The following MSL1 variants were observed in gnomAD, a reference collection of about 807,000 sequenced individuals.
MSL1 encodes the protein MSL complex subunit 1, also known as male-specific lethal 1 homolog.
In MSL1, 21 loss-of-function variants were observed where a neutral mutation model predicts 64.6. That is an observed-to-expected ratio of 0.33 (90% CI 0.23 to 0.47). The LOEUF is 0.47. Ranked by LOEUF, MSL1 falls within the 20% of genes least tolerant of loss-of-function variation. The pLI, the probability that MSL1 is intolerant of heterozygous loss-of-function variation, is 1.00. For synonymous variants in MSL1, 339 were observed against 329.6 expected (o/e 1.03, Z -0.31); for missense variants, 664 against 793.2 (o/e 0.84, Z 1.96).
At position 40,135,571 on chromosome 17, in the gene MSL1, T is replaced by C. The variant is rs1470588413; in HGVS notation, c.*1202T>C. The C allele has an allele frequency of 6.6e-6, 1 of 152,346 alleles. No individual in the cohort carries two copies. Among genetic ancestry groups the C allele is most frequent in the Non-Finnish European group, 1.5e-5 (1 of 68,044 alleles). 9.4% of individuals were successfully genotyped at this position (152,346 alleles called of 1,614,324 possible). A position where few individuals can be genotyped will look rare whatever the true frequency, so the allele number is the denominator to read the frequency against. ...CTAATCTCCTAGAAGGTAGGGGCTT[T>C]TATCCTTAAAGAGAATATGTCCCCA... On this transcript the variant is annotated 3_prime_UTR_variant, in exon 9 of 9. Transcript: ENST00000398532.
At chr17:40,133,754 T>C (rs1988487284) in intron 7 of MSL1, 73 bp from the exon 8 acceptor site, 1 of 1,610,952 alleles carries the variant, frequency 6.2e-7, no homozygotes, top group South Asian at 1.1e-5. Flanking sequence ...GAAGTGTATT[T>C]TGGAGCAGAT....
At chr17:40,123,434 C>T (rs1988239076) in intron 1 of MSL1, 54 bp downstream of exon 1, 4 of 1,511,692 alleles carry the variant, frequency 2.6e-6, no homozygotes, top group Middle Eastern at 1.7e-4. Context: ...TGCGCATGCT[C>T]GGGGGAAGGG....
At chr17:40,128,409 C>T (rs1988369725) in intron 2 of MSL1, among the ~76,000 whole-genome samples, 2 of 135,112 alleles carry the variant, frequency 1.5e-5, no homozygotes, top group Non-Finnish European at 3.1e-5. Flanking sequence ...GAGTCTCACT[C>T]TGTCGCCCAG....
At chr17:40,130,339 G>C (rs1988414725) in intron 3 of MSL1, 2 of 152,010 alleles carry the variant, frequency 1.3e-5, no homozygotes, top group African/African-American at 4.8e-5. Context: ...TGAGCTGCTT[G>C]GGGAGGGTGT....
Position 40,134,631 on chromosome 17 carries a change from A to G in MSL1, c.*262A>G. 1 of 454,610 alleles carries G rather than the reference A, an allele frequency of 2.2e-6. No homozygotes were observed. Among genetic ancestry groups the G allele is most frequent in the South Asian group, 2.5e-5 (1 of 39,946 alleles). 28.2% of individuals were successfully genotyped at this position (454,610 alleles called of 1,614,324 possible). ...TCAAGCTAAAGCTATAGGATGGCAG[A>G]TTCAGAAGTTTCAGGGGTCTGTTTC... On this transcript the variant is annotated 3_prime_UTR_variant, in exon 9 of 9. Coordinates refer to ENST00000398532, the MANE Select transcript of MSL1 (RefSeq NM_001365919.1).
chr17:40,134,642 T>G lies in MSL1; in HGVS notation c.*273T>G, dbSNP rs1388004065. 2.3e-6 allele frequency: 1 copy of G among 440,042 alleles called. No individual in the cohort carries two copies. The highest frequency in any genetic ancestry group is 4.2e-6 in the Non-Finnish European group (1 of 239,918). The allele number at this position is 440,042 out of a possible 1,614,324, so 27.3% of individuals were successfully genotyped here. On this transcript the variant is annotated 3_prime_UTR_variant, in exon 9 of 9. Coordinates refer to ENST00000398532, the MANE Select transcript of MSL1 (RefSeq NM_001365919.1). Reference sequence around the variant, plus strand: ...CTATAGGATGGCAGATTCAGAAGTTTCAGGGGTCTGTTTCTATACATTTGC... The same window carrying G: ...CTATAGGATGGCAGATTCAGAAGTTGCAGGGGTCTGTTTCTATACATTTGC...
rs527464731 is a variant in MSL1 at position 40,122,919 on chromosome 17, C to T, written c.307C>T (p.Pro103Ser). ...GAGCTGGGGCGGTTCGGTGCCCTTG[C>T]CCTGTCCGCCCCCGGCCACCAAGCA... Reference protein sequence around the residue: ...EESWGGSVPLPCPPPATKQAG... With the variant: ...EESWGGSVPLSCPPPATKQAG... Residue 103 changes from proline (P) to serine (S), a missense_variant, in exon 1 of 9, where the codon CCC becomes TCC. Pro to Ser is a moderately conservative substitution (Grantham distance 74). Around this residue, in one of 4 missense-constraint regions of MSL1, gnomAD observed 466 missense variants for 499.0 expected, o/e 0.93. Transcript: ENST00000398532. This position sits in a 1 kb window ranked among gnomAD's most constrained non-coding sequence, Gnocchi z 4.2. 5.9e-6 allele frequency: 9 copies of T among 1,513,078 alleles called. No individual in the cohort carries two copies. In the African/African-American group the frequency reaches 7.1e-5, roughly 12 times the overall value. 93.7% of individuals were successfully genotyped at this position (1,513,078 alleles called of 1,614,324 possible).
chr17:40,128,602 G>A (rs1303189395), intron 2 of MSL1, among the ~76,000 whole-genome samples: 4 of 150,896 alleles, frequency 2.7e-5, no homozygotes, highest in South Asian at 2.1e-4. Flanking sequence ...GGCTGGTCTC[G>A]AACTCCTGAC....
rs1019160175 is a variant in MSL1 at position 40,135,875 on chromosome 17, T to A, written c.*1506T>A. ...TGTGTGTGTGTGTGGCTATGGGTTTTCATTTGTAACTCCATCTGCTTAGGA... is the reference window on the plus strand; with the variant it reads ...TGTGTGTGTGTGTGGCTATGGGTTTACATTTGTAACTCCATCTGCTTAGGA... On this transcript the variant is annotated 3_prime_UTR_variant, in exon 9 of 9. Transcript: ENST00000398532. 2 of 152,188 alleles carry A rather than the reference T, an allele frequency of 1.3e-5. No homozygotes were observed. The highest frequency in any genetic ancestry group is 4.8e-5 in the African/African-American group (2 of 41,406). 9.4% of individuals were successfully genotyped at this position (152,188 alleles called of 1,614,324 possible).
At chr17:40,129,152 G>A (rs1028315157) in intron 2 of MSL1, 93 bp from the exon 3 acceptor site, 2 of 1,138,138 alleles carry the variant, frequency 1.8e-6, no homozygotes, top group Admixed American at 5.3e-5. Flanking sequence ...TGGGGCAAAA[G>A]AACCAGCTTA....
At chr17:40,124,421 CTCTT>C (rs1313506457) in intron 1 of MSL1, among the ~76,000 whole-genome samples, 1 of 152,036 alleles carries the variant, frequency 6.6e-6, no homozygotes, top group Non-Finnish European at 1.5e-5. Context: ...TCCCTCTCTC[CTCTT>C]TCTCTCTGGC....
Position 40,123,039 on chromosome 17 carries a change from G to A in MSL1, c.427G>A (p.Val143Met), listed in dbSNP as rs1379603298. ...AVLPIQTGSL[V>M]AAAKEPTPWA... ...GCTGCCCATTCAGACGGGCTCTCTCGTGGCGGCGGCCAAAGAGCCTACGCC... is the reference window on the plus strand; with the variant it reads ...GCTGCCCATTCAGACGGGCTCTCTCATGGCGGCGGCCAAAGAGCCTACGCC... The change falls in exon 1 of 9, where the codon GTG becomes ATG. Residue 143 changes from valine (V) to methionine (M), a missense_variant. Around this residue, in one of 4 missense-constraint regions of MSL1, gnomAD observed 466 missense variants for 499.0 expected, o/e 0.93. Coordinates refer to ENST00000398532, the MANE Select transcript of MSL1 (RefSeq NM_001365919.1). 2.0e-6 allele frequency: 3 copies of A among 1,532,218 alleles called. No individual in the cohort carries two copies. Among genetic ancestry groups the A allele is most frequent in the South Asian group, 1.2e-5 (1 of 83,940 alleles). 94.9% of individuals were successfully genotyped at this position (1,532,218 alleles called of 1,614,324 possible).
In MSL1 at chr17:40,133,575, G is replaced by A. The variant is rs898497608; in HGVS notation, c.1598G>A (p.Arg533Gln). Residue 533 changes from arginine to glutamine, a missense_variant, in exon 7 of 9, where the codon CGA (arginine) becomes CAA (glutamine). This residue lies in a region of MSL1 where 76 missense variants were observed against 98.5 expected (regional missense o/e 0.77). Transcript: ENST00000398532. ...ATCAGGGAACAAAGAATTTTACAGCGACTGCAGCTCAGAATGTATAAAAAG... is the reference window on the plus strand; with the variant it reads ...ATCAGGGAACAAAGAATTTTACAGCAACTGCAGCTCAGAATGTATAAAAAG... ...QRIREQRILQ[R>Q]LQLRMYKKKG... 1.9e-6 allele frequency: 3 copies of A among 1,612,356 alleles called. No homozygotes were observed. Among genetic ancestry groups the A allele is most frequent in the South Asian group, 1.1e-5 (1 of 90,782 alleles).
chr17:40,131,927 G>C lies in MSL1; in HGVS notation c.1424-107G>C, dbSNP rs1373617251. On this transcript the variant is annotated intron_variant, in intron 4 of 8. Coordinates refer to ENST00000398532, the MANE Select transcript of MSL1 (RefSeq NM_001365919.1). This position sits in a 1 kb window ranked among gnomAD's most constrained non-coding sequence, Gnocchi z 4.5. Reference sequence around the variant, plus strand: ...TGGATTCCTATCACTTGGTAACTTTGTCTCTTCTGGGGAGAGACCTCTTAT... The same window carrying C: ...TGGATTCCTATCACTTGGTAACTTTCTCTCTTCTGGGGAGAGACCTCTTAT... The C allele has an allele frequency of 1.3e-6, 1 of 786,838 alleles. No individual in the cohort carries two copies. 48.7% of individuals were successfully genotyped at this position (786,838 alleles called of 1,614,324 possible).
chr17:40,132,439 A>G (rs1316043715), intron 5 of MSL1, among the ~76,000 whole-genome samples: 1 of 152,162 alleles, frequency 6.6e-6, no homozygotes, highest in East Asian at 1.9e-4. Context: ...GGAGTCAGAG[A>G]TCAGCCTGGC....
chr17:40,123,114 G>C lies in MSL1; in HGVS notation c.502G>C (p.Asp168His). Residue 168 changes from aspartate (D) to histidine (H), a missense_variant, in exon 1 of 9, where the codon GAC becomes CAC. By Grantham distance (81) the Asp-to-His change is moderately conservative (BLOSUM62 -1). Coordinates refer to ENST00000398532, the MANE Select transcript of MSL1 (RefSeq NM_001365919.1). ...GGCCTCCCCCGCTGCCACCGCCTCG[G>C]ACCCGGCGGGACCCCCACCACTACC... ...GAASPAATAS[D>H]PAGPPPLPLP... The C allele has an allele frequency of 1.3e-6, 2 of 1,531,308 alleles. No homozygotes were observed. Among genetic ancestry groups the C allele is most frequent in the East Asian group, 2.5e-5 (1 of 40,702 alleles). 94.9% of individuals were successfully genotyped at this position (1,531,308 alleles called of 1,614,324 possible).
Position 40,126,267 on chromosome 17 carries a change from G to T in MSL1, c.853G>T (p.Gly285Cys). ...GAAAGAAAGGCACAAGCTGTTTCAG[G>T]GCTATGAAACTGAAGAGAGAGAGGA... ...NEKERHKLFQGYETEEREETE... is the reference protein window; with the variant it reads ...NEKERHKLFQCYETEEREETE... Residue 285 changes from glycine (G) to cysteine (C), a missense_variant, in exon 2 of 9, where the codon GGC becomes TGC. Around this residue, in one of 4 missense-constraint regions of MSL1, gnomAD observed 466 missense variants for 499.0 expected, o/e 0.93. Coordinates refer to ENST00000398532, the MANE Select transcript of MSL1 (RefSeq NM_001365919.1). The T allele has an allele frequency of 6.2e-7, 1 of 1,613,936 alleles. No homozygotes were observed. Among genetic ancestry groups the T allele is most frequent in the East Asian group, 2.2e-5 (1 of 44,890 alleles).
At chr17:40,133,718 C>T in intron 7 of MSL1, 60 bp downstream of exon 7, 1 of 1,611,354 alleles carries the variant, frequency 6.2e-7, no homozygotes, top group South Asian at 1.1e-5. Context: ...TGCAAGGCTC[C>T]AGGGTACAAC....
Position 40,134,698 on chromosome 17 carries a change from A to G in MSL1, c.*329A>G. The G allele has an allele frequency of 3.8e-6, 1 of 261,334 alleles. No homozygotes were observed. 16.2% of individuals were successfully genotyped at this position (261,334 alleles called of 1,614,324 possible). Reference sequence around the variant, plus strand: ...TTAAAGGGGTAAAAGGGCTCTCTTCATTAGACATGTGGAAGATGAAGCAGC... The same window carrying G: ...TTAAAGGGGTAAAAGGGCTCTCTTCGTTAGACATGTGGAAGATGAAGCAGC... On this transcript the variant is annotated 3_prime_UTR_variant, in exon 9 of 9. Transcript: ENST00000398532.
Sources: allele counts gnomAD v4.1 joint callset (sites outside exome capture counted in the v4.1 genomes callset), GRCh38; gene constraint gnomAD v4.1.1; regional missense constraint gnomAD v4.1.1; non-coding constraint Gnocchi (gnomAD v3.1); transcripts MANE v1.5; gene names NCBI Gene and HGNC (gene_info 2026-07-23, HGNC 2026-07-21).